RIIAD1: variants seen among roughly 807,000 people sequenced by gnomAD.
RIIAD1 encodes regulatory subunit of type II PKA R-subunit domain containing 1.
RIIAD1 carries 15 observed loss-of-function variants against 13.3 expected under a neutral mutation model. The ratio of observed to expected loss-of-function variants is 1.13; its 90% CI spans 0.76 to 1.74. The LOEUF (loss-of-function observed/expected upper bound fraction) is 1.74, where lower values mean the gene tolerates loss of function less well. RIIAD1 is among the 40% of genes most tolerant of loss of function. The pLI is 0.00. For synonymous variants in RIIAD1, 50 were observed against 43.3 expected (o/e 1.16, Z -0.61); for missense variants, 121 against 112.2 (o/e 1.08, Z -0.35).
intron 4 of RIIAD1, chr1:151,716,154 C>T: frequency 1.2e-6 from 1 of 866,680 alleles, no homozygotes. Context: ...CCCCCAACCA[C>T]GCTGCTAAGC....
chr1:151,715,744 C>T, intron 4 of RIIAD1: 1 of 1,594,032 alleles, frequency 6.3e-7, no homozygotes, highest in Non-Finnish European at 8.5e-7. Flanking sequence ...CTCCTCCATC[C>T]ACTTTCCTCA....
intron 3 of RIIAD1, chr1:151,728,478 A>C (rs1673870693): frequency 2.0e-5 from 5 of 245,078 alleles, no homozygotes; most frequent in Non-Finnish European, 1.3e-5. Context: ...GACTCGGGGT[A>C]GGTGGGGGGT....
intron 3 of RIIAD1, 143 bp from the exon 4 acceptor site, chr1:151,728,623 A>G (rs2101518497): frequency 3.1e-6 from 2 of 646,936 alleles, no homozygotes; most frequent in East Asian, 2.7e-5. Flanking sequence ...TTACCATATT[A>G]CATTGTAAAG....
At chr1:151,728,699 C>T in intron 3 of RIIAD1, 67 bp from the exon 4 acceptor site, 1 of 950,466 alleles carries the variant, frequency 1.1e-6, no homozygotes. Context: ...AGTAAGCTGT[C>T]TCCTTCCATG....
At chr1:151,726,699 A>C (rs1228661372) in intron 2 of RIIAD1, among the ~76,000 whole-genome samples, 2 of 152,214 alleles carry the variant, frequency 1.3e-5, no homozygotes, top group Admixed American at 1.3e-4. Context: ...GTGAGACAAT[A>C]TTTGTGAACA....
chr1:151,718,211 C>G (rs1222025533), upstream of RIIAD1, among the ~76,000 whole-genome samples: 2 of 152,186 alleles, frequency 1.3e-5, no homozygotes, highest in Non-Finnish European at 2.9e-5. Flanking sequence ...TTACATGGCT[C>G]TTACAGTGTC....
At chr1:151,726,665 G>A (rs1342213168) in intron 2 of RIIAD1, among the ~76,000 whole-genome samples, 3 of 152,152 alleles carry the variant, frequency 2.0e-5, no homozygotes, top group Non-Finnish European at 2.9e-5. Context: ...CATAATAATG[G>A]TTGTTTCACA....
chr1:151,721,330 T>A (rs1673728910), upstream of RIIAD1, among the ~76,000 whole-genome samples: 1 of 152,134 alleles, frequency 6.6e-6, no homozygotes, highest in Non-Finnish European at 1.5e-5. Flanking sequence ...TCATTCCACA[T>A]ACAATTAAGT....
chr1:151,718,957 T>G (rs1443401480), upstream of RIIAD1, among the ~76,000 whole-genome samples: 3 of 152,186 alleles, frequency 2.0e-5, no homozygotes, highest in Non-Finnish European at 4.4e-5. Flanking sequence ...ACTCTATGTC[T>G]TCTCAGCAGA....
rs978051905 is a variant in RIIAD1 at position 151,721,569 on chromosome 1, C to T, written c.33C>T (p.Pro11=). Residue 11 remains proline, a synonymous_variant, in exon 1 of 5, where the codon CCC becomes CCT. Transcript: ENST00000479191. The part of the protein sequence containing the change: METLPGLLQR[P]DPGALSAAQL... ...CGCTGCCAGGCTTGCTGCAGCGGCC[C>T]GACCCCGGGGCGCTTAGCGCAGCGC... The T allele has an allele frequency of 5.3e-6, 7 of 1,325,466 alleles. No individual in the cohort carries two copies. In the African/African-American group the frequency reaches 9.2e-5, roughly 17 times the overall value. 82.1% of individuals were successfully genotyped at this position (1,325,466 alleles called of 1,614,324 possible).
intron 2 of RIIAD1, among the ~76,000 whole-genome samples, chr1:151,723,411 G>A (rs1044447799): frequency 6.7e-6 from 1 of 149,792 alleles, no homozygotes; most frequent in Non-Finnish European, 1.5e-5. Context: ...ACAAAAAAAA[G>A]TTGGCCAGGC....
At chr1:151,724,149 C>T (rs1673787447) in intron 2 of RIIAD1, among the ~76,000 whole-genome samples, 1 of 152,164 alleles carries the variant, frequency 6.6e-6, no homozygotes, top group South Asian at 2.1e-4. Flanking sequence ...GAACAGTTTC[C>T]AGGAGCAGCC....
At chr1:151,718,245 A>G (rs1347564833), upstream of RIIAD1, among the ~76,000 whole-genome samples, 3 of 152,140 alleles carry the variant, frequency 2.0e-5, no homozygotes, top group Non-Finnish European at 1.5e-5. Context: ...CAAGTGCTTT[A>G]TATTTACTAA....
At chr1:151,722,541 C>T (rs765675728) in intron 2 of RIIAD1, among the ~76,000 whole-genome samples, 32 of 152,132 alleles carry the variant, frequency 2.1e-4, no homozygotes, top group Non-Finnish European at 2.6e-4. Context: ...GGAATATGTT[C>T]TTTCCTTCCC....
intron 2 of RIIAD1, among the ~76,000 whole-genome samples, chr1:151,725,502 T>C (rs1673814191): frequency 6.6e-6 from 1 of 152,158 alleles, no homozygotes; most frequent in Non-Finnish European, 1.5e-5. Context: ...AAGTGACATA[T>C]CCTAAGCTGG....
chr1:151,716,016 T>G, intron 4 of RIIAD1: 1 of 1,611,418 alleles, frequency 6.2e-7, no homozygotes, highest in Non-Finnish European at 8.5e-7. Flanking sequence ...ATCCGGCTCC[T>G]TCATTGAGGC....
intron 2 of RIIAD1, among the ~76,000 whole-genome samples, 175 bp from the exon 3 acceptor site, chr1:151,727,400 C>T (rs566391394): frequency 6.6e-6 from 1 of 152,202 alleles, no homozygotes; most frequent in African/African-American, 2.4e-5. Flanking sequence ...GCCTTAGATA[C>T]GGAGTTGAAG....
At chr1:151,727,550 C>T in intron 2 of RIIAD1, 25 bp from the exon 3 acceptor site, 1 of 1,506,814 alleles carries the variant, frequency 6.6e-7, no homozygotes, top group Non-Finnish European at 9.0e-7. Context: ...CTTTACCTCC[C>T]ATCCTATCCC....
upstream of RIIAD1, among the ~76,000 whole-genome samples, chr1:151,719,864 A>G (rs901011931): frequency 1.3e-5 from 2 of 152,130 alleles, no homozygotes; most frequent in Non-Finnish European, 2.9e-5. Flanking sequence ...GGTATCAATC[A>G]TTTCCTACTT....
Sources: gnomAD v4.1 joint callset for allele counts (sites outside exome capture counted in the v4.1 genomes callset) on GRCh38, gnomAD v4.1.1 for gene constraint, MANE v1.5 for transcripts, NCBI Gene and HGNC (gene_info 2026-07-23, HGNC 2026-07-21) for gene names.